Variants in SYCP2 observed in about 807,000 individuals in gnomAD.
The protein encoded by SYCP2 is synaptonemal complex lateral element protein.
SYCP2 carries 55 observed loss-of-function variants against 211.3 expected under a neutral mutation model. That is an observed-to-expected ratio of 0.26 (90% confidence interval 0.21 to 0.33). The LOEUF is 0.33. SYCP2 is among the 10% of genes least tolerant of loss of function. The pLI, the probability that SYCP2 is intolerant of heterozygous loss-of-function variation, is 1.00. For synonymous variants in SYCP2, 570 were observed against 555.2 expected (o/e 1.03, Z -0.37); for missense variants, 1,731 against 1,752.0 (o/e 0.99, Z 0.21).
chr20:59,903,905 T>C (rs774684253), intron 15 of SYCP2, among the ~76,000 whole-genome samples: 2 of 152,118 alleles, frequency 1.3e-5, no homozygotes, highest in Non-Finnish European at 2.9e-5. Context: ...CAGGCTAATA[T>C]CCTGTTTTAA....
At position 59,915,328 on chromosome 20, in the gene SYCP2, A is replaced by T. The variant is rs187590281; in HGVS notation, c.600-129T>A. ...AATATCATCGACTTTTGCAGAAATT[A>T]TATGCATACACTAAATTATATTAAA... On this transcript the variant is annotated intron_variant, in intron 9 of 44. Transcript: ENST00000357552. 7.1e-4 allele frequency: 689 copies of T among 969,448 alleles called. 12 individuals carry two copies. In the Admixed American group the frequency reaches 0.014, roughly 20 times the overall value. The allele number at this position is 969,448 out of a possible 1,614,324, so 60.1% of individuals were successfully genotyped here.
intron 4 of SYCP2, 129 bp downstream of exon 4, chr20:59,921,181 G>GC (rs2060535292): frequency 7.9e-6 from 5 of 630,358 alleles, no homozygotes; most frequent in Non-Finnish European, 1.3e-5. Context: ...GGTGAAATAA[G>GC]CATTTATTTA....
At chr20:59,877,924 A>G in intron 32 of SYCP2, 84 bp downstream of exon 32, 1 of 1,076,294 alleles carries the variant, frequency 9.3e-7, no homozygotes, top group Admixed American at 2.1e-5. Context: ...TAACAAGGAT[A>G]AAATTATGAG....
rs976056163 is a variant in SYCP2, at chr20:59,864,003, A to G, written c.*308T>C. 1.2e-5 allele frequency: 2 copies of G among 173,652 alleles called. No individual in the cohort carries two copies. The highest frequency in any genetic ancestry group is 4.7e-5 in the African/African-American group (2 of 42,388). 10.8% of individuals were successfully genotyped at this position (173,652 alleles called of 1,614,324 possible). On this transcript the variant is annotated 3_prime_UTR_variant, in exon 45 of 45. Coordinates refer to ENST00000357552, the MANE Select transcript of SYCP2 (RefSeq NM_014258.4). ...CATTTTATGTAATAATACATTTTAC[A>G]CAATAAAATTTAATTTATTAAAGAA...
At chr20:59,886,934 T>A in intron 24 of SYCP2, 100 bp from the exon 25 acceptor site, 1 of 873,518 alleles carries the variant, frequency 1.1e-6, no homozygotes, top group Non-Finnish European at 1.7e-6. Context: ...GTTCTATTTA[T>A]ACCTGCGGAG....
chr20:59,920,423 T>C lies in SYCP2; in HGVS notation c.233A>G (p.Lys78Arg), dbSNP rs1283035812. 3 of 1,610,244 alleles carry C rather than the reference T, an allele frequency of 1.9e-6. No individual in the cohort carries two copies. Among genetic ancestry groups the C allele is most frequent in the Non-Finnish European group, 2.5e-6 (3 of 1,177,472 alleles). ...AILVSVGRCG[K>R]NISVLGQAGL... ...AGCTTGCCCCAATACACTGATATTT[T>C]TGCCACATCTTCCAACAGAAACCAA... The change falls in exon 5 of 45, where the codon AAA (lysine) becomes AGA (arginine). Residue 78 changes from lysine to arginine, a missense_variant. Around this residue, in one of 3 missense-constraint regions of SYCP2, gnomAD observed 335 missense variants for 378.8 expected, o/e 0.88. Coordinates refer to ENST00000357552, the MANE Select transcript of SYCP2 (RefSeq NM_014258.4).
At chr20:59,903,442 T>C (rs2060155225) in intron 15 of SYCP2, among the ~76,000 whole-genome samples, 1 of 152,106 alleles carries the variant, frequency 6.6e-6, no homozygotes, top group Non-Finnish European at 1.5e-5. Context: ...AGTAGGCTTT[T>C]TGTTTTATGA....
chr20:59,879,865 A>G (rs1019254732), intron 31 of SYCP2, among the ~76,000 whole-genome samples: 9 of 136,500 alleles, frequency 6.6e-5, no homozygotes, highest in African/African-American at 2.6e-4. Context: ...ATATATATAC[A>G]CACACACACA....
chr20:59,924,073 A>G (rs1284774040), intron 2 of SYCP2, among the ~76,000 whole-genome samples: 9 of 151,882 alleles, frequency 5.9e-5, no homozygotes, highest in African/African-American at 2.2e-4. Context: ...TCTGTTTCCT[A>G]AAAGCAGGAA....
At chr20:59,876,259 T>TA (rs2059551903) in intron 33 of SYCP2, among the ~76,000 whole-genome samples, 1 of 150,504 alleles carries the variant, frequency 6.6e-6, no homozygotes, top group Admixed American at 6.6e-5. Flanking sequence ...TAGTCCCAGC[T>TA]ACTAGGCAGG....
intron 24 of SYCP2, among the ~76,000 whole-genome samples, chr20:59,890,289 AAC>A (rs1010336375): frequency 2.0e-5 from 3 of 152,282 alleles, no homozygotes; most frequent in African/African-American, 7.2e-5. Context: ...TCAGCAAACT[AAC>A]ACAAGAACAG....
At chr20:59,913,846 C>T (rs1568972693) in intron 12 of SYCP2, 129 bp downstream of exon 12, 2 of 538,438 alleles carry the variant, frequency 3.7e-6, no homozygotes, top group Non-Finnish European at 6.1e-6. Flanking sequence ...ATTATCTATG[C>T]ACATTCTACA....
At position 59,868,548 on chromosome 20, in the gene SYCP2, G is replaced by A. The variant is rs757372359; in HGVS notation, c.3853C>T (p.Arg1285Cys). 1.1e-5 allele frequency: 18 copies of A among 1,602,298 alleles called. No individual in the cohort carries two copies. The highest frequency in any genetic ancestry group is 5.4e-5 in the African/African-American group (4 of 74,098). Residue 1285 changes from arginine (R) to cysteine (C), a missense_variant, in exon 38 of 45, where the codon CGC (arginine) becomes TGC (cysteine). By Grantham distance (180) the Arg-to-Cys change is radical (BLOSUM62 -3). This residue lies in a region of SYCP2 where 1,387 missense variants were observed against 1,351.3 expected (regional missense o/e 1.03). Coordinates refer to ENST00000357552, the MANE Select transcript of SYCP2 (RefSeq NM_014258.4). ...HVSGPTQHLS[R>C]KRIYIEDNLS... ...TTATCTTCTATATATATTCTTTTGC[G>A]ACTAAGATGTTGGGTGGGGCCTTAG...
intron 26 of SYCP2, among the ~76,000 whole-genome samples, chr20:59,884,488 AAAT>A (rs1465405149): frequency 6.6e-6 from 1 of 152,096 alleles, no homozygotes; most frequent in Non-Finnish European, 1.5e-5. Context: ...TACTGATCAG[AAAT>A]AATTAGTAAG....
chr20:59,932,724 G>C (rs938669623), intron 1 of SYCP2, among the ~76,000 whole-genome samples: 2 of 152,056 alleles, frequency 1.3e-5, no homozygotes, highest in East Asian at 1.9e-4. Context: ...GCAGATGCTC[G>C]GCCAGCCTGG....
At chr20:59,897,452 CAG>C (rs1006449896) in intron 18 of SYCP2, among the ~76,000 whole-genome samples, 7 of 152,160 alleles carry the variant, frequency 4.6e-5, no homozygotes, top group African/African-American at 1.7e-4. Flanking sequence ...TTATTGAAAA[CAG>C]AGCACAGGTA....
intron 36 of SYCP2, among the ~76,000 whole-genome samples, chr20:59,869,252 A>T (rs1364539497): frequency 6.6e-6 from 1 of 151,752 alleles, no homozygotes; most frequent in African/African-American, 2.4e-5. Context: ...CTTTCAAACC[A>T]CATCTTTCAC....
chr20:59,879,501 TAAGTC>T (rs2059625312), intron 31 of SYCP2, among the ~76,000 whole-genome samples: 1 of 151,930 alleles, frequency 6.6e-6, no homozygotes, highest in South Asian at 2.1e-4. Context: ...AGCACAGAGT[TAAGTC>T]TTCTTTTAAA....
chr20:59,909,540 T>G (rs944975648), intron 14 of SYCP2, among the ~76,000 whole-genome samples: 2 of 152,240 alleles, frequency 1.3e-5, no homozygotes, highest in Admixed American at 6.5e-5. Context: ...AGGGGGGATC[T>G]TTTACACAAA....
Sources: allele counts gnomAD v4.1 joint callset (sites outside exome capture counted in the v4.1 genomes callset), GRCh38; gene constraint gnomAD v4.1.1; regional missense constraint gnomAD v4.1.1; transcripts MANE v1.5; gene names NCBI Gene and HGNC (gene_info 2026-07-23, HGNC 2026-07-21).